TENM2: variants seen among roughly 807,000 people sequenced by gnomAD.
The protein encoded by TENM2 is teneurin-2.
TENM2 carries 52 observed loss-of-function variants against 245.2 expected under a neutral mutation model. The observed-to-expected ratio is 0.21, with a 90% CI of 0.17 to 0.27. The LOEUF is 0.27. Ranked by LOEUF, TENM2 falls within the 10% of genes least tolerant of loss-of-function variation. The pLI, the probability that TENM2 is intolerant of heterozygous loss-of-function variation, is 1.00. For missense variants in TENM2, 3,046 were observed against 3,666.8 expected (o/e 0.83, Z 4.37); for synonymous variants, 1,363 against 1,438.9 (o/e 0.95, Z 1.19).
chr5:167,730,371 G>A (rs1760336044), intron 2 of TENM2, among the ~76,000 whole-genome samples: 1 of 152,126 alleles, frequency 6.6e-6, no homozygotes, highest in South Asian at 2.1e-4. Context: ...ATTGTATATT[G>A]TTTGTGAGTC....
At chr5:167,472,586 A>C (rs1323850507) in intron 2 of TENM2, among the ~76,000 whole-genome samples, 1 of 152,184 alleles carries the variant, frequency 6.6e-6, no homozygotes, top group Non-Finnish European at 1.5e-5. Flanking sequence ...GTTGCCTTAG[A>C]GTGACCGGGA....
intron 2 of TENM2, among the ~76,000 whole-genome samples, chr5:167,501,332 TG>T (rs1466111795): frequency 6.6e-6 from 1 of 152,104 alleles, no homozygotes; most frequent in Non-Finnish European, 1.5e-5. Context: ...GGTTACAGGG[TG>T]GGGCACTTGA....
intron 1 of TENM2, among the ~76,000 whole-genome samples, chr5:167,347,536 G>A (rs923450586): frequency 2.6e-5 from 4 of 152,274 alleles, no homozygotes; most frequent in East Asian, 3.9e-4. Context: ...CCATGTCCCA[G>A]CTACTTTACT....
intron 2 of TENM2, among the ~76,000 whole-genome samples, chr5:167,872,382 GAA>G (rs1265678246): frequency 1.4e-4 from 19 of 140,510 alleles, no homozygotes; most frequent in African/African-American, 4.2e-4. Flanking sequence ...GGAAGGAAAA[GAA>G]AGAAGGAAAG....
the TENM2 span, among the ~76,000 whole-genome samples, chr5:167,097,240 G>A: frequency 6.6e-6 from 1 of 152,058 alleles, no homozygotes; most frequent in Admixed American, 6.6e-5. Context: ...CATTCTGTGC[G>A]GGTTGATGTG....
chr5:167,231,356 C>A, the TENM2 span, among the ~76,000 whole-genome samples: 14 of 152,266 alleles, frequency 9.2e-5, no homozygotes, highest in Middle Eastern at 6.8e-3. Flanking sequence ...ATAGCTTTGA[C>A]CAAAATGCTG....
chr5:167,085,212 T>C, the TENM2 span, among the ~76,000 whole-genome samples: 1 of 152,094 alleles, frequency 6.6e-6, no homozygotes. Flanking sequence ...GAGCTCAAAA[T>C]CAAAGGGGAG....
At chr5:167,583,473 T>TACAAACACACAC (rs1775240303) in intron 2 of TENM2, among the ~76,000 whole-genome samples, 1 of 137,460 alleles carries the variant, frequency 7.3e-6, no homozygotes, top group African/African-American at 2.8e-5. Flanking sequence ...TGAGTATATG[T>TACAAACACACAC]ACACACACAC....
At chr5:167,905,082 A>C (rs891743148) in intron 3 of TENM2, among the ~76,000 whole-genome samples, 1 of 152,234 alleles carries the variant, frequency 6.6e-6, no homozygotes, top group South Asian at 2.1e-4. Context: ...GTTGAGTCCA[A>C]AAATGATCTC....
the TENM2 span, among the ~76,000 whole-genome samples, chr5:167,021,672 T>C: frequency 6.6e-6 from 1 of 152,198 alleles, no homozygotes; most frequent in East Asian, 1.9e-4. Context: ...TGTCTCAGTG[T>C]TCTGTAAAAC....
chr5:167,872,571 AAAG>A (rs1377161804), intron 2 of TENM2, among the ~76,000 whole-genome samples: 3,020 of 46,454 alleles, frequency 0.065, 246 homozygotes, highest in Non-Finnish European at 0.15. Context: ...AGAAAGAAAG[AAAG>A]AAAGAAAGAG....
intron 3 of TENM2, among the ~76,000 whole-genome samples, chr5:167,908,627 C>T (rs1479308981): frequency 8.7e-6 from 1 of 115,214 alleles, no homozygotes; most frequent in South Asian, 3.6e-4. Flanking sequence ...CTCTCCCCTC[C>T]CCTCCCCTTC....
At chr5:168,182,884 G>A (rs1581562336) in intron 13 of TENM2, among the ~76,000 whole-genome samples, 1 of 143,228 alleles carries the variant, frequency 7.0e-6, no homozygotes, top group East Asian at 2.0e-4. Flanking sequence ...AGCCTGGAGT[G>A]CAGTGATGCA....
intron 1 of TENM2, among the ~76,000 whole-genome samples, chr5:167,350,411 A>ATGTG (rs745887386): frequency 9.0e-5 from 8 of 88,436 alleles, no homozygotes; most frequent in Non-Finnish European, 1.8e-4. Context: ...ATATACATAT[A>ATGTG]TATGTGTGTG....
chr5:167,587,772 T>A (rs1048347083), intron 2 of TENM2, among the ~76,000 whole-genome samples: 3 of 152,240 alleles, frequency 2.0e-5, no homozygotes, highest in Admixed American at 6.5e-5. Context: ...AACATCAGAT[T>A]ACTTCTCAGT....
At chr5:167,391,622 CAAAAAA>C (rs56202184) in intron 2 of TENM2, among the ~76,000 whole-genome samples, 874 of 53,478 alleles carry the variant, frequency 0.016, 9 homozygotes, top group African/African-American at 0.041. Context: ...AAGACTTCAT[CAAAAAA>C]AAAAAAAAAA....
intron 2 of TENM2, among the ~76,000 whole-genome samples, chr5:167,864,988 A>G (rs182170650): frequency 1.3e-5 from 2 of 152,320 alleles, no homozygotes; most frequent in East Asian, 3.9e-4. Context: ...GAGCCTTTTG[A>G]AAATTGTTTC....
At chr5:167,243,894 T>C in the TENM2 span, among the ~76,000 whole-genome samples, 6 of 152,188 alleles carry the variant, frequency 3.9e-5, no homozygotes, top group Non-Finnish European at 7.3e-5. Flanking sequence ...ATCCTTAGAT[T>C]GGCCTTCAAG....
chr5:167,363,363 C>T (rs6884664), intron 1 of TENM2, among the ~76,000 whole-genome samples: 4,529 of 152,050 alleles, frequency 0.03, 163 homozygotes, highest in African/African-American at 0.081. Context: ...ATTTTTTAGC[C>T]GGCAAGAATC....
Sources: gnomAD v4.1 joint callset for allele counts (sites outside exome capture counted in the v4.1 genomes callset) on GRCh38, gnomAD v4.1.1 for gene constraint, MANE v1.5 for transcripts, NCBI Gene and HGNC (gene_info 2026-07-23, HGNC 2026-07-21) for gene names.